Variants in CDK18 observed in about 807,000 individuals in gnomAD.
The protein encoded by CDK18 is cyclin dependent kinase 18, also known as cyclin-dependent kinase 18.
In CDK18, 52 loss-of-function variants were observed where a neutral mutation model predicts 62.0. The ratio of observed to expected loss-of-function variants is 0.84; its 90% CI spans 0.67 to 1.06. CDK18 has a LOEUF of 1.06. Among genes scored for constraint, CDK18 ranks in the 50% least tolerant of loss-of-function variants. The pLI, the probability that CDK18 is intolerant of heterozygous loss-of-function variation, is 0.00. For synonymous variants in CDK18, 237 were observed against 247.0 expected (o/e 0.96, Z 0.38); for missense variants, 604 against 619.9 (o/e 0.97, Z 0.27).
At chr1:205,529,267 G>A in intron 11 of CDK18, 57 bp from the exon 12 acceptor site, 1 of 1,507,148 alleles carries the variant, frequency 6.6e-7, no homozygotes, top group African/African-American at 1.4e-5. Context: ...TCCCTTTCAA[G>A]TCGGCCTTGG....
chr1:205,523,596 C>A lies in CDK18; in HGVS notation c.244C>A (p.Arg82=). The part of the protein sequence containing the change: ...QLSPGVQFQR[R]QNQRRFSMED... ...CTCCCCTGGCGTGCAGTTCCAGCGG[C>A]GGCAGAACCAGCGCCGCTTCTCCAT... The change falls in exon 3 of 16, where the codon CGG becomes AGG. Residue 82 remains arginine, a synonymous_variant. Transcript: ENST00000429964. 1 of 1,583,680 alleles carries A rather than the reference C, an allele frequency of 6.3e-7. No individual in the cohort carries two copies. Among genetic ancestry groups the A allele is most frequent in the Non-Finnish European group, 8.6e-7 (1 of 1,165,244 alleles).
intron 8 of CDK18, 122 bp downstream of exon 8, chr1:205,526,959 GAA>G (rs1668467558): frequency 1.3e-6 from 1 of 762,134 alleles, no homozygotes. Context: ...TCCCACGTAG[GAA>G]AGAGGGAGAG....
rs545970504 is a variant in CDK18 at position 205,512,590 on chromosome 1, C to T, written c.-22+7794C>T. Among the ~76,000 whole-genome samples, 8 of 152,248 alleles carry T rather than the reference C, an allele frequency of 5.3e-5. No homozygotes were observed. The South Asian group carries it at 1.0e-3, about 20-fold the overall frequency. ...CCAGCCTGGTGGGAGGGAGGCCATG[C>T]GGAGTGTGAGGAGGGAGAGGCGGGG... On this transcript the variant is annotated intron_variant, in intron 1 of 15. Transcript: ENST00000429964.
At chr1:205,529,211 A>G (rs1668604557) in intron 11 of CDK18, 113 bp from the exon 12 acceptor site, 4 of 1,325,948 alleles carry the variant, frequency 3.0e-6, no homozygotes, top group East Asian at 2.5e-5. Context: ...CCGGGCGGGG[A>G]CCCCCTGTGG....
intron 11 of CDK18, 79 bp from the exon 12 acceptor site, chr1:205,529,245 T>G: frequency 7.0e-7 from 1 of 1,422,896 alleles, no homozygotes; most frequent in Non-Finnish European, 9.8e-7. Context: ...TGCTCCCACC[T>G]CATACATTGC....
intron 4 of CDK18, 89 bp from the exon 5 acceptor site, chr1:205,525,050 C>T (rs895867085): frequency 3.3e-4 from 260 of 795,104 alleles, no homozygotes; most frequent in Middle Eastern, 2.4e-4. Flanking sequence ...CATCCCTTCC[C>T]TCCCAGAGGC....
In CDK18 at chr1:205,530,649, A is replaced by G. The variant is rs114816536; in HGVS notation, c.1334A>G (p.Lys445Arg). 2.1e-4 allele frequency: 335 copies of G among 1,613,958 alleles called. 1 individual carries two copies. The African/African-American group carries it at 3.9e-3, about 19-fold the overall frequency. Residue 445 changes from lysine (K) to arginine (R), a missense_variant, in exon 15 of 16, where the codon AAG (lysine) becomes AGG (arginine). By Grantham distance (26) the Lys-to-Arg change is conservative. Coordinates refer to ENST00000429964, the MANE Select transcript of CDK18 (RefSeq NM_212502.3). ...CCAGCTGCCTCCATCTTCTCCCTGAAGGAGATCCAGCTCCAGAAGGACCCA... is the reference window on the plus strand; with the variant it reads ...CCAGCTGCCTCCATCTTCTCCCTGAGGGAGATCCAGCTCCAGAAGGACCCA... ...LEDTASIFSL[K>R]EIQLQKDPGY... is the part of the protein sequence containing the mutation.
Position 205,531,483 on chromosome 1 carries a change from G to C in CDK18, c.*105G>C. On this transcript the variant is annotated 3_prime_UTR_variant, in exon 16 of 16. Coordinates refer to ENST00000429964, the MANE Select transcript of CDK18 (RefSeq NM_212502.3). The stretch of plus-strand genomic sequence containing the variant: ...CTCGGAGGACTGAAGAACGAGGGCT[G>C]ACAGCCAGCCTGGAAGACCGCTTGG... The C allele has an allele frequency of 9.2e-7, 1 of 1,087,424 alleles. No homozygotes were observed. Among genetic ancestry groups the C allele is most frequent in the South Asian group, 1.3e-5 (1 of 77,908 alleles). The allele number at this position is 1,087,424 out of a possible 1,614,324, so 67.4% of individuals were successfully genotyped here.
chr1:205,517,697 T>C lies in CDK18; in HGVS notation c.-21-5450T>C, dbSNP rs1667890569. On this transcript the variant is annotated intron_variant, in intron 1 of 15. Transcript: ENST00000429964. This position sits in a 1 kb window ranked among gnomAD's most constrained non-coding sequence, Gnocchi z 4.1. ...ACAACATACAATCCATCTGCAGAGCTCTTTGCCTCCACCTTCAAAATATAG... is the reference window on the plus strand; with the variant it reads ...ACAACATACAATCCATCTGCAGAGCCCTTTGCCTCCACCTTCAAAATATAG... 6.6e-6 allele frequency among the ~76,000 whole-genome samples: 1 copy of C among 151,946 alleles called. No homozygotes were observed. The highest frequency in any genetic ancestry group is 6.6e-5 in the Admixed American group (1 of 15,250).
In CDK18 at chr1:205,526,854, A is replaced by C; in HGVS notation, c.729+17A>C. ...AACGTCAAGGTGAGGCCTCGGGGGCAGGGTCCCCCCATCTTGGCAGCCACC... is the reference window on the plus strand; with the variant it reads ...AACGTCAAGGTGAGGCCTCGGGGGCCGGGTCCCCCCATCTTGGCAGCCACC... On this transcript the variant is annotated intron_variant, in intron 8 of 15. Coordinates refer to ENST00000429964, the MANE Select transcript of CDK18 (RefSeq NM_212502.3). 1 of 1,608,026 alleles carries C rather than the reference A, an allele frequency of 6.2e-7. No individual in the cohort carries two copies.
At chr1:205,506,440 C>T (rs1037391930) in intron 1 of CDK18, among the ~76,000 whole-genome samples, 1 of 152,142 alleles carries the variant, frequency 6.6e-6, no homozygotes, top group African/African-American at 2.4e-5. Flanking sequence ...AAGCTCTCCA[C>T]GCGTGCCAGA....
chr1:205,529,095 C>G lies in CDK18; in HGVS notation c.1071C>G (p.Leu357=), dbSNP rs777634117. 6.4e-6 allele frequency: 10 copies of G among 1,573,314 alleles called. No individual in the cohort carries two copies. The highest frequency in any genetic ancestry group is 1.8e-5 in the Admixed American group (1 of 54,066). The change falls in exon 11 of 16, where the codon CTC becomes CTG. Residue 357 remains leucine, a splice_region_variant and synonymous_variant. Coordinates refer to ENST00000429964, the MANE Select transcript of CDK18 (RefSeq NM_212502.3). The part of the protein sequence containing the change: ...KEELHLIFRL[L]GTPTEETWPG... ...AGCTGCACCTCATCTTTCGCCTCCT[C>G]GGTCAGTCTCCCGCTGCTCCGTCCC...
In CDK18 at chr1:205,528,534, A is replaced by T; in HGVS notation, c.974+366A>T. 8.1e-6 allele frequency: 2 copies of T among 248,130 alleles called. No homozygotes were observed. The highest frequency in any genetic ancestry group is 2.7e-4 in the South Asian group (2 of 7,538). 15.4% of individuals were successfully genotyped at this position (248,130 alleles called of 1,614,324 possible). On this transcript the variant is annotated intron_variant, in intron 10 of 15. Coordinates refer to ENST00000429964, the MANE Select transcript of CDK18 (RefSeq NM_212502.3). This position sits in a 1 kb window ranked among gnomAD's most constrained non-coding sequence, Gnocchi z 4.2. ...TACTATTTTTATGTTAAAATGAACAAGTGTATGATTTGGTGTAAAATGAAA... is the reference window on the plus strand; with the variant it reads ...TACTATTTTTATGTTAAAATGAACATGTGTATGATTTGGTGTAAAATGAAA...
rs1264064991 is a variant in CDK18 at position 205,527,110 on chromosome 1, G to T, written c.729+273G>T. Reference sequence around the variant, plus strand: ...ATCAGTTTCCCAGTCTGTCAAATGGGAGTGTGAGCTACCTGCCAAAATGCA... The same window carrying T: ...ATCAGTTTCCCAGTCTGTCAAATGGTAGTGTGAGCTACCTGCCAAAATGCA... On this transcript the variant is annotated intron_variant, in intron 8 of 15. Transcript: ENST00000429964. This position sits in a 1 kb window ranked among gnomAD's most constrained non-coding sequence, Gnocchi z 4.1. The T allele has an allele frequency of 2.2e-5, 10 of 463,644 alleles. No homozygotes were observed. Among genetic ancestry groups the T allele is most frequent in the Non-Finnish European group, 3.9e-5 (10 of 258,938 alleles). 28.7% of individuals were successfully genotyped at this position (463,644 alleles called of 1,614,324 possible).
chr1:205,505,467 C>T (rs1667262384), intron 1 of CDK18, among the ~76,000 whole-genome samples: 1 of 141,014 alleles, frequency 7.1e-6, no homozygotes, highest in Non-Finnish European at 1.6e-5. Context: ...GCAGTGCCCC[C>T]CTCCACCCCT....
chr1:205,509,609 G>A (rs1667471896), intron 1 of CDK18, among the ~76,000 whole-genome samples: 1 of 152,172 alleles, frequency 6.6e-6, no homozygotes. Flanking sequence ...GTGAGATAAT[G>A]TCCACCTAGT....
At chr1:205,514,512 A>G (rs1350468577) in intron 1 of CDK18, among the ~76,000 whole-genome samples, 1 of 152,186 alleles carries the variant, frequency 6.6e-6, no homozygotes, top group African/African-American at 2.4e-5. Context: ...AGATACACCT[A>G]GAAACAGGTC....
intron 3 of CDK18, 74 bp downstream of exon 3, chr1:205,523,699 C>A: frequency 1.3e-6 from 2 of 1,488,056 alleles, no homozygotes; most frequent in East Asian, 5.0e-5. Flanking sequence ...AGGGCAGCTG[C>A]CTTACAGCCA....
chr1:205,524,045 G>A (rs79311087), intron 3 of CDK18, among the ~76,000 whole-genome samples, 187 bp from the exon 4 acceptor site: 10 of 152,210 alleles, frequency 6.6e-5, no homozygotes, highest in Non-Finnish European at 1.0e-4. Context: ...CAGCAGCCCC[G>A]GGTGTTCACG....
Sources: allele counts gnomAD v4.1 joint callset (sites outside exome capture counted in the v4.1 genomes callset), GRCh38; gene constraint gnomAD v4.1.1; non-coding constraint Gnocchi (gnomAD v3.1); transcripts MANE v1.5; gene names NCBI Gene and HGNC (gene_info 2026-07-23, HGNC 2026-07-21).